Variants in FBXO24 observed in about 807,000 individuals in gnomAD.
The protein encoded by FBXO24 is F-box only protein 24.
Under a neutral mutation model 63.5 loss-of-function variants are expected in FBXO24, and 30 were observed. That is an observed-to-expected ratio of 0.47 (90% CI 0.35 to 0.64). The LOEUF (loss-of-function observed/expected upper bound fraction) is 0.64, where lower values mean the gene tolerates loss of function less well. Ranked by LOEUF, FBXO24 falls within the 30% of genes least tolerant of loss-of-function variation. FBXO24 has a pLI of 0.00. For synonymous variants in FBXO24, 300 were observed against 305.0 expected (o/e 0.98, Z 0.17); for missense variants, 624 against 763.4 (o/e 0.82, Z 2.15).
chr7:100,599,076 AAAAATTT>A (rs1446535179), intron 8 of FBXO24, among the ~76,000 whole-genome samples: 1 of 152,116 alleles, frequency 6.6e-6, no homozygotes, highest in African/African-American at 2.4e-5. Context: ...TAGAAAATTT[AAAAATTT>A]AAAATTTAAA....
intron 3 of FBXO24, among the ~76,000 whole-genome samples, chr7:100,591,193 C>T (rs1802006821): frequency 6.6e-6 from 1 of 151,946 alleles, no homozygotes; most frequent in Non-Finnish European, 1.5e-5. Context: ...CCCGCCACCA[C>T]ACCCGGATAA....
Position 100,594,358 on chromosome 7 carries a change from A to T in FBXO24, c.794-25A>T. On this transcript the variant is annotated intron_variant, in intron 5 of 9. Transcript: ENST00000241071. The surrounding 1 kb of genome is among the most constrained non-coding windows in gnomAD (Gnocchi z 4.2). ...GTGGATATTGGAGAATCCCCTCCCC[A>T]ACTAATTGCTTCCCCTACCCCCAGA... The T allele has an allele frequency of 6.2e-7, 1 of 1,609,244 alleles. No individual in the cohort carries two copies.
Position 100,600,318 on chromosome 7 carries a change from C to T in FBXO24, c.1377+117C>T. On this transcript the variant is annotated intron_variant, in intron 9 of 9. Coordinates refer to ENST00000241071, the MANE Select transcript of FBXO24 (RefSeq NM_033506.3). The surrounding 1 kb of genome is among the most constrained non-coding windows in gnomAD (Gnocchi z 6.3). ...CCCAGGGGGTCCCATTTCCCTAGCA[C>T]CACCCCACCTCCCTCCTCTGCCGCA... The T allele has an allele frequency of 7.3e-7, 1 of 1,364,710 alleles. No individual in the cohort carries two copies. The highest frequency in any genetic ancestry group is 1.5e-5 in the South Asian group (1 of 65,814). The allele number at this position is 1,364,710 out of a possible 1,614,324, so 84.5% of individuals were successfully genotyped here.
At chr7:100,599,253 C>T (rs1209272679) in intron 8 of FBXO24, among the ~76,000 whole-genome samples, 1 of 151,868 alleles carries the variant, frequency 6.6e-6, no homozygotes, top group Non-Finnish European at 1.5e-5. Flanking sequence ...GACCCCATCT[C>T]TAAAAAAAGA....
At chr7:100,593,650 A>T (rs1562818856) in intron 5 of FBXO24, among the ~76,000 whole-genome samples, 2 of 148,492 alleles carry the variant, frequency 1.3e-5, no homozygotes, top group Admixed American at 1.3e-4. Context: ...AAAAAAAATT[A>T]GCCGGACGTG....
rs1802208197 is a variant in FBXO24 at position 100,594,581 on chromosome 7, G to GT, written c.952+42dup. 1 of 1,500,758 alleles carries GT rather than the reference G, an allele frequency of 6.7e-7. No homozygotes were observed. The highest frequency in any genetic ancestry group is 1.4e-5 in the African/African-American group (1 of 71,946). 93.0% of individuals were successfully genotyped at this position (1,500,758 alleles called of 1,614,324 possible). On this transcript the variant is annotated intron_variant, in intron 6 of 9. Transcript: ENST00000241071. The surrounding 1 kb of genome is among the most constrained non-coding windows in gnomAD (Gnocchi z 4.2). ...CCCCCGGCTCAAGCCCGCAGCCTTG[G>GT]TTAGACCCTCTAAACATCAACACCC...
At chr7:100,598,846 G>T (rs1442753198) in intron 8 of FBXO24, among the ~76,000 whole-genome samples, 1 of 152,002 alleles carries the variant, frequency 6.6e-6, no homozygotes, top group African/African-American at 2.4e-5. Flanking sequence ...AGGTGTGGCG[G>T]TGTGCACCCA....
Position 100,600,612 on chromosome 7 carries a change from G to A in FBXO24, c.1456G>A (p.Ala486Thr), listed in dbSNP as rs376293901. Residue 486 changes from alanine to threonine, a missense_variant, in exon 10 of 10, where the codon GCC becomes ACC. Ala to Thr is a moderately conservative substitution (Grantham distance 58). Transcript: ENST00000241071. The surrounding 1 kb of genome is among the most constrained non-coding windows in gnomAD (Gnocchi z 6.3). ...GTCCAGCCACGACATTGAGCAGCAC[G>A]CCCCCTATCGCCACCTGCCAGCCAG... ...ILSSHDIEQHAPYRHLPASRV... is the reference protein window; with the variant it reads ...ILSSHDIEQHTPYRHLPASRV... 1.5e-5 allele frequency: 24 copies of A among 1,613,188 alleles called. No individual in the cohort carries two copies. Among genetic ancestry groups the A allele is most frequent in the Non-Finnish European group, 1.9e-5 (23 of 1,179,548 alleles).
At chr7:100,593,156 C>T (rs1802115821) in intron 5 of FBXO24, 139 bp downstream of exon 5, 2 of 643,878 alleles carry the variant, frequency 3.1e-6, no homozygotes, top group South Asian at 1.9e-5. Context: ...CAGCTCTGCC[C>T]TTCTCTGTCT....
chr7:100,588,717 G>C (rs1484637305), intron 1 of FBXO24, among the ~76,000 whole-genome samples: 2 of 152,202 alleles, frequency 1.3e-5, no homozygotes, highest in Non-Finnish European at 2.9e-5. Context: ...GAGACCCTGG[G>C]AGAAATCCTA....
At chr7:100,589,821 G>A (rs1228516296) in intron 1 of FBXO24, 156 bp from the exon 2 acceptor site, 1 of 1,516,978 alleles carries the variant, frequency 6.6e-7, no homozygotes, top group Non-Finnish European at 8.9e-7. Flanking sequence ...CAGGAGATCG[G>A]GAGGAGTTAT....
In FBXO24 at chr7:100,595,610, C is replaced by T. The variant is rs1047611440; in HGVS notation, c.1110C>T (p.Gly370=). 1 of 1,612,998 alleles carries T rather than the reference C, an allele frequency of 6.2e-7. No homozygotes were observed. Among genetic ancestry groups the T allele is most frequent in the Non-Finnish European group, 8.5e-7 (1 of 1,179,242 alleles). The part of the protein sequence containing the change: ...LFCALGYNHL[G]LVDEFGRIFM... ...GTGCTCTTGGCTACAACCACCTTGG[C>T]CTGGTGGATGAATTTGGCCGAATCT... The change falls in exon 8 of 10, where the codon GGC becomes GGT. Residue 370 remains glycine, a synonymous_variant. Transcript: ENST00000241071.
intron 1 of FBXO24, among the ~76,000 whole-genome samples, chr7:100,588,431 T>C (rs1431760427): frequency 1.3e-5 from 2 of 152,184 alleles, no homozygotes; most frequent in Admixed American, 1.3e-4. Flanking sequence ...TGCTGAAGAA[T>C]TAAAATTCCA....
rs1247751005 is a variant in FBXO24 at position 100,593,711 on chromosome 7, C to A, written c.794-672C>A. On this transcript the variant is annotated intron_variant, in intron 5 of 9. Coordinates refer to ENST00000241071, the MANE Select transcript of FBXO24 (RefSeq NM_033506.3). ...ACTTGGGAGCCTGAGGCAGGAGAAT[C>A]GCTTGAACCCAGGAGGTGGAGGTTT... is the stretch of plus-strand genomic sequence containing the variant. Among the ~76,000 whole-genome samples, 4 of 149,696 alleles carry A rather than the reference C, an allele frequency of 2.7e-5. No homozygotes were observed. The East Asian group carries it at 7.9e-4, about 30-fold the overall frequency.
intron 7 of FBXO24, 82 bp from the exon 8 acceptor site, chr7:100,595,493 G>A: frequency 6.8e-7 from 1 of 1,465,062 alleles, no homozygotes; most frequent in African/African-American, 1.4e-5. Flanking sequence ...GGGGATGGCA[G>A]GTTAGTGGCT....
intron 8 of FBXO24, among the ~76,000 whole-genome samples, chr7:100,598,199 C>T (rs968077999): frequency 6.6e-6 from 1 of 151,904 alleles, no homozygotes; most frequent in African/African-American, 2.4e-5. Flanking sequence ...GACCCTATCT[C>T]TAAAAAATAA....
At chr7:100,591,638 T>C (rs770776992) in intron 3 of FBXO24, 29 bp from the exon 4 acceptor site, 1 of 1,606,670 alleles carries the variant, frequency 6.2e-7, no homozygotes, top group Non-Finnish European at 8.5e-7. Context: ...TCTCATCCCT[T>C]GAACCTTCCA....
chr7:100,596,895 A>G (rs1274300048), intron 8 of FBXO24, among the ~76,000 whole-genome samples: 1 of 152,138 alleles, frequency 6.6e-6, no homozygotes, highest in African/African-American at 2.4e-5. Context: ...ATAAAAAATT[A>G]GCCAGGTGTG....
intron 4 of FBXO24, chr7:100,592,377 G>A (rs1359445398): frequency 8.0e-6 from 2 of 250,242 alleles, no homozygotes; most frequent in African/African-American, 4.5e-5. Context: ...AGAAGGGAAA[G>A]AGGCACGTCT....
Sources: gnomAD v4.1 joint callset for allele counts (sites outside exome capture counted in the v4.1 genomes callset) on GRCh38, gnomAD v4.1.1 for gene constraint, Gnocchi (gnomAD v3.1) non-coding constraint, MANE v1.5 for transcripts, NCBI Gene and HGNC (gene_info 2026-07-23, HGNC 2026-07-21) for gene names.